DCC: variants seen among roughly 807,000 people sequenced by gnomAD.
The protein encoded by DCC is DCC netrin 1 receptor, also known as netrin receptor DCC.
Under a neutral mutation model 172.5 loss-of-function variants are expected in DCC, and 58 were observed. The ratio of observed to expected loss-of-function variants is 0.34; its 90% CI spans 0.27 to 0.42. DCC has a LOEUF of 0.42. Among genes scored for constraint, DCC ranks in the 10% least tolerant of loss-of-function variants. The probability of loss-of-function intolerance (pLI) is 1.00; values close to 1 mark genes in which losing one functional copy is unlikely to be tolerated. For synonymous variants in DCC, 709 were observed against 644.5 expected, an observed-to-expected ratio of 1.10 and a Z score of -1.52; for missense variants, 1,740 against 1,791.0, an observed-to-expected ratio of 0.97 and a Z score of 0.51.
intron 2 of DCC, among the ~76,000 whole-genome samples, chr18:52,807,301 C>A (rs11872103): frequency 0.036 from 5,510 of 152,240 alleles, 144 homozygotes; most frequent in Admixed American, 0.052. Flanking sequence ...CGGTGAGATG[C>A]CCCATCTGAG....
chr18:52,628,614 C>T (rs1598968516), intron 1 of DCC, among the ~76,000 whole-genome samples: 3 of 152,296 alleles, frequency 2.0e-5, no homozygotes, highest in African/African-American at 7.2e-5. Flanking sequence ...TATAACCACT[C>T]CCTACCCACA....
chr18:52,511,442 G>T (rs932639080), intron 1 of DCC, among the ~76,000 whole-genome samples: 1 of 152,142 alleles, frequency 6.6e-6, no homozygotes, highest in Non-Finnish European at 1.5e-5. Flanking sequence ...GACGTGGAAA[G>T]GAAAGAAGGT....
chr18:53,110,949 C>T (rs1459861738), intron 7 of DCC, among the ~76,000 whole-genome samples: 17 of 122,324 alleles, frequency 1.4e-4, no homozygotes, highest in African/African-American at 3.5e-4. Flanking sequence ...CACATGCACA[C>T]GTATGTTTAT....
intron 26 of DCC, among the ~76,000 whole-genome samples, chr18:53,494,222 C>T (rs994034412): frequency 6.6e-6 from 1 of 152,162 alleles, no homozygotes; most frequent in African/African-American, 2.4e-5. Flanking sequence ...TTTCCATTTG[C>T]TGAAGAGTGT....
chr18:52,971,738 T>C (rs1212372547), intron 5 of DCC, among the ~76,000 whole-genome samples: 3 of 152,166 alleles, frequency 2.0e-5, no homozygotes, highest in Non-Finnish European at 1.5e-5. Context: ...GATCACATTA[T>C]TGGATCTCAC....
At chr18:53,194,185 G>A (rs1377430978) in intron 9 of DCC, among the ~76,000 whole-genome samples, 1 of 152,114 alleles carries the variant, frequency 6.6e-6, no homozygotes, top group East Asian at 1.9e-4. Flanking sequence ...ACAATCTTGA[G>A]ATATATACAG....
chr18:53,094,779 T>C (rs980132867), intron 7 of DCC, among the ~76,000 whole-genome samples: 4 of 152,214 alleles, frequency 2.6e-5, no homozygotes, highest in Non-Finnish European at 5.9e-5. Context: ...CTCAAATAAA[T>C]TTTAAATGAT....
chr18:53,425,969 TA>T (rs1376422960), intron 21 of DCC, among the ~76,000 whole-genome samples: 1 of 152,096 alleles, frequency 6.6e-6, no homozygotes, highest in African/African-American at 2.4e-5. Context: ...CTATCCTCTA[TA>T]AAATAAATTC....
intron 15 of DCC, among the ~76,000 whole-genome samples, chr18:53,342,129 C>G (rs958707334): frequency 6.6e-6 from 1 of 151,912 alleles, no homozygotes; most frequent in Non-Finnish European, 1.5e-5. Flanking sequence ...TAATAAACCC[C>G]TTCATCTATT....
chr18:52,748,004 G>C (rs1051958900), intron 1 of DCC, among the ~76,000 whole-genome samples: 5 of 152,184 alleles, frequency 3.3e-5, no homozygotes, highest in African/African-American at 1.2e-4. Flanking sequence ...AGCTGGTTCT[G>C]CCCACTCAGT....
intron 9 of DCC, among the ~76,000 whole-genome samples, chr18:53,180,876 G>A (rs1188682034): frequency 6.6e-6 from 1 of 152,104 alleles, no homozygotes; most frequent in South Asian, 2.1e-4. Flanking sequence ...GCCTCCCAAT[G>A]TGCTAGGATT....
chr18:52,412,864 C>A (rs1007381042), intron 1 of DCC, among the ~76,000 whole-genome samples: 1 of 152,032 alleles, frequency 6.6e-6, no homozygotes. Context: ...ATAATAACTT[C>A]TTGTCTCTTG....
At chr18:53,220,906 T>C (rs2055922127) in intron 12 of DCC, among the ~76,000 whole-genome samples, 1 of 152,116 alleles carries the variant, frequency 6.6e-6, no homozygotes, top group South Asian at 2.1e-4. Flanking sequence ...AGGCAATATT[T>C]CCTGGGGGCT....
At chr18:53,410,419 A>C (rs759595016) in intron 19 of DCC, 33 bp from the exon 20 acceptor site, 24 of 1,405,782 alleles carry the variant, frequency 1.7e-5, no homozygotes, top group Non-Finnish European at 2.3e-5. Flanking sequence ...CGTGTAGGAC[A>C]CCAAATTAAG....
At chr18:52,896,466 A>G (rs2039731214) in intron 2 of DCC, among the ~76,000 whole-genome samples, 1 of 152,186 alleles carries the variant, frequency 6.6e-6, no homozygotes, top group Non-Finnish European at 1.5e-5. Flanking sequence ...TTTGCTATCT[A>G]GTACCTTCTG....
intron 2 of DCC, among the ~76,000 whole-genome samples, chr18:52,798,254 T>C (rs1350137545): frequency 6.6e-6 from 1 of 152,254 alleles, no homozygotes; most frequent in African/African-American, 2.4e-5. Flanking sequence ...TTAAGATTTA[T>C]ATGTCTTTAA....
intron 1 of DCC, among the ~76,000 whole-genome samples, chr18:52,638,895 G>A (rs2034836268): frequency 6.6e-6 from 1 of 152,034 alleles, no homozygotes; most frequent in African/African-American, 2.4e-5. Flanking sequence ...AAGAACCACA[G>A]AATACACGTT....
At chr18:52,355,370 G>A (rs978579851) in intron 1 of DCC, among the ~76,000 whole-genome samples, 2 of 152,092 alleles carry the variant, frequency 1.3e-5, no homozygotes, top group African/African-American at 2.4e-5. Context: ...ACAAATCTAC[G>A]AATGAGTTCC....
chr18:53,128,862 CACACACACATATAT>C lies in DCC; in HGVS notation c.1262-28492_1262-28479del, dbSNP rs57150029. Among the ~76,000 whole-genome samples, 748 of 80,986 alleles carry C rather than the reference CACACACACATATAT, an allele frequency of 9.2e-3. 8 individuals are homozygous for C. Among genetic ancestry groups the C allele is most frequent in the African/African-American group, 0.031 (720 of 22,934 alleles). The allele number at this position is 80,986 out of a possible 152,430, so 53.1% of individuals were successfully genotyped here. ...ACACACACACACACACACACACACA[CACACACACATATAT>C]ATATATATATATATATATATATATA... On this transcript the variant is annotated intron_variant, in intron 7 of 28. Coordinates refer to ENST00000442544, the MANE Select transcript of DCC (RefSeq NM_005215.4).
Sources: gnomAD v4.1 joint callset for allele counts (sites outside exome capture counted in the v4.1 genomes callset) on GRCh38, gnomAD v4.1.1 for gene constraint, MANE v1.5 for transcripts, NCBI Gene and HGNC (gene_info 2026-07-23, HGNC 2026-07-21) for gene names.